Variants in PACS1 observed in about 807,000 individuals in gnomAD.
PACS1 encodes the protein PACS-1.
Under a neutral mutation model 115.0 loss-of-function variants are expected in PACS1, and 24 were observed. The observed-to-expected ratio is 0.21, with a 90% CI of 0.15 to 0.29. The LOEUF is 0.29. PACS1 is among the 10% of genes least tolerant of loss of function. PACS1 has a pLI of 1.00. For synonymous variants in PACS1, 453 were observed against 504.5 expected, an observed-to-expected ratio of 0.90 and a Z score of 1.37; for missense variants, 838 against 1,251.2, an observed-to-expected ratio of 0.67 and a Z score of 4.98.
At chr11:66,157,975 T>G (rs2134620328) in intron 1 of PACS1, among the ~76,000 whole-genome samples, 1 of 152,322 alleles carries the variant, frequency 6.6e-6, no homozygotes, top group East Asian at 1.9e-4. Context: ...CTCTTTTGTT[T>G]TTTGAGACAG....
chr11:66,242,237 T>C (rs1343740451), intron 22 of PACS1, among the ~76,000 whole-genome samples: 1 of 152,192 alleles, frequency 6.6e-6, no homozygotes, highest in Non-Finnish European at 1.5e-5. Flanking sequence ...CTGCCACCGT[T>C]GGTGCCAGCT....
intron 1 of PACS1, among the ~76,000 whole-genome samples, chr11:66,164,620 T>G (rs995015884): frequency 7.1e-6 from 1 of 141,152 alleles, no homozygotes; most frequent in Non-Finnish European, 1.5e-5. Context: ...TATATATGTA[T>G]TTTTTTTTTG....
chr11:66,211,317 C>CCCCAG, intron 4 of PACS1, 58 bp downstream of exon 4: 5 of 1,574,238 alleles, frequency 3.2e-6, no homozygotes, highest in Non-Finnish European at 4.3e-6. Context: ...CCAAGGGACA[C>CCCCAG]CCCAGCCCAG....
At chr11:66,240,291 C>T (rs1855785446) in intron 21 of PACS1, among the ~76,000 whole-genome samples, 1 of 151,990 alleles carries the variant, frequency 6.6e-6, no homozygotes, top group Non-Finnish European at 1.5e-5. Flanking sequence ...GATCAAGGGT[C>T]CAGCAGCAGG....
chr11:66,194,108 C>T (rs1428649592), intron 2 of PACS1, among the ~76,000 whole-genome samples: 1 of 152,152 alleles, frequency 6.6e-6, no homozygotes, highest in Non-Finnish European at 1.5e-5. Context: ...GGACTACAGG[C>T]GCCTGCCACC....
intron 7 of PACS1, chr11:66,219,411 G>A (rs556442939): frequency 3.5e-5 from 15 of 430,082 alleles, no homozygotes; most frequent in African/African-American, 2.0e-4. Context: ...CTGTGCATGC[G>A]CAGGTAGGAG....
chr11:66,230,953 G>A lies in PACS1; in HGVS notation c.1626+13G>A, dbSNP rs762863684. On this transcript the variant is annotated intron_variant, in intron 13 of 23. Transcript: ENST00000320580. ...CCACAGCACGCAGGTACTTCTGGGTGCCCCCAAAACACCAGGACCCTCTGA... is the reference window on the plus strand; with the variant it reads ...CCACAGCACGCAGGTACTTCTGGGTACCCCCAAAACACCAGGACCCTCTGA... The A allele has an allele frequency of 8.1e-6, 13 of 1,613,632 alleles. No individual in the cohort carries two copies. Among genetic ancestry groups the A allele is most frequent in the East Asian group, 4.5e-5 (2 of 44,884 alleles).
At chr11:66,220,895 C>T in intron 9 of PACS1, 104 bp downstream of exon 9, 1 of 1,280,632 alleles carries the variant, frequency 7.8e-7, no homozygotes, top group South Asian at 1.4e-5. Context: ...GAATCTTGGT[C>T]CTTCATCCTT....
chr11:66,186,856 G>GT (rs11454417), intron 1 of PACS1, among the ~76,000 whole-genome samples: 62,259 of 152,028 alleles, frequency 0.41, 13,546 homozygotes, highest in Non-Finnish European at 0.48. Flanking sequence ...GTGTAGGCCC[G>GT]TAACGTTGCC....
intron 1 of PACS1, among the ~76,000 whole-genome samples, chr11:66,167,432 TCAACTGATCCTCC>T (rs1289972785): frequency 2.8e-5 from 4 of 143,168 alleles, no homozygotes; most frequent in Admixed American, 1.4e-4. Context: ...ACTCCCGGCC[TCAACTGATCCTCC>T]CACCTCTGCC....
Position 66,227,245 on chromosome 11 carries a change from G to C in PACS1, c.1294-259G>C, listed in dbSNP as rs144842669. Among the ~76,000 whole-genome samples the C allele has an allele frequency of 3.3e-5, 5 of 152,302 alleles. No individual in the cohort carries two copies. In the East Asian group the frequency reaches 9.6e-4, roughly 29 times the overall value. ...CTAAATTTTGAGCTTCTCTTGCCTA[G>C]TGACACCTCGTGGAGTCAGAATTTC... On this transcript the variant is annotated intron_variant, in intron 10 of 23. Transcript: ENST00000320580.
chr11:66,087,251 T>G (rs987448515), intron 1 of PACS1, among the ~76,000 whole-genome samples: 13 of 151,990 alleles, frequency 8.6e-5, no homozygotes, highest in Admixed American at 2.0e-4. Context: ...TTTTTTGTTT[T>G]TTTTTTTGAG....
At chr11:66,212,436 CTTT>C (rs762291488) in intron 4 of PACS1, among the ~76,000 whole-genome samples, 2 of 132,074 alleles carry the variant, frequency 1.5e-5, no homozygotes, top group Non-Finnish European at 1.7e-5. Context: ...CTGGCCTTAA[CTTT>C]TTTTTTTTTT....
At chr11:66,133,770 G>T (rs2134581533) in intron 1 of PACS1, among the ~76,000 whole-genome samples, 1 of 152,298 alleles carries the variant, frequency 6.6e-6, no homozygotes. Flanking sequence ...CCCCCAAAGT[G>T]CTGGGATTAC....
intron 1 of PACS1, among the ~76,000 whole-genome samples, chr11:66,177,145 G>A (rs186677270): frequency 6.6e-6 from 1 of 152,298 alleles, no homozygotes; most frequent in East Asian, 1.9e-4. Flanking sequence ...AGATTTCTTA[G>A]AAAGGGGAAA....
At chr11:66,209,509 G>GTGATAA (rs1387228588) in intron 2 of PACS1, among the ~76,000 whole-genome samples, 2 of 152,186 alleles carry the variant, frequency 1.3e-5, no homozygotes, top group Non-Finnish European at 2.9e-5. Context: ...TCATTTTGCT[G>GTGATAA]TGATAACCTT....
chr11:66,101,265 C>T (rs1857911447), intron 1 of PACS1, among the ~76,000 whole-genome samples: 1 of 152,084 alleles, frequency 6.6e-6, no homozygotes, highest in Non-Finnish European at 1.5e-5. Context: ...TTCACTTTCT[C>T]TTTTTACAGA....
intron 1 of PACS1, among the ~76,000 whole-genome samples, chr11:66,117,257 T>G (rs1443881528): frequency 1.3e-5 from 2 of 151,766 alleles, no homozygotes; most frequent in African/African-American, 4.8e-5. Flanking sequence ...GGTCAGGAGT[T>G]TGAAGCCAGC....
chr11:66,070,303 A>C lies in PACS1; in HGVS notation c.-184A>C. 5.5e-6 allele frequency: 1 copy of C among 182,464 alleles called. No individual in the cohort carries two copies. Among genetic ancestry groups the C allele is most frequent in the Non-Finnish European group, 1.1e-5 (1 of 91,434 alleles). 11.3% of individuals were successfully genotyped at this position (182,464 alleles called of 1,614,324 possible). A position where few individuals can be genotyped will look rare whatever the true frequency, so the allele number is the denominator to read the frequency against. On this transcript the variant is annotated 5_prime_UTR_variant, in exon 1 of 24. Coordinates refer to ENST00000320580, the MANE Select transcript of PACS1 (RefSeq NM_018026.4). This position sits in a 1 kb window ranked among gnomAD's most constrained non-coding sequence, Gnocchi z 5.9. Reference sequence around the variant, plus strand: ...GTCGGCCTCGCGAGCCGCAACAGGCAGCGGCGGTCGAGCGCGAGGCCCGCG... The same window carrying C: ...GTCGGCCTCGCGAGCCGCAACAGGCCGCGGCGGTCGAGCGCGAGGCCCGCG...
Sources: gnomAD v4.1 joint callset for allele counts (sites outside exome capture counted in the v4.1 genomes callset) on GRCh38, gnomAD v4.1.1 for gene constraint, Gnocchi (gnomAD v3.1) non-coding constraint, MANE v1.5 for transcripts, NCBI Gene and HGNC (gene_info 2026-07-23, HGNC 2026-07-21) for gene names.